The following MICAL2 variants were observed in gnomAD, a reference collection of about 807,000 sequenced individuals.
MICAL2 encodes microtubule associated monooxygenase, calponin and LIM domain containing 2.
A neutral mutation model predicts 127.3 loss-of-function variants in MICAL2; 77 were observed. That is an observed-to-expected ratio of 0.60 (90% CI 0.50 to 0.73). MICAL2 has a LOEUF of 0.73. MICAL2 is among the 30% of genes least tolerant of loss of function. The pLI, the probability that MICAL2 is intolerant of heterozygous loss-of-function variation, is 0.00. For missense variants in MICAL2, 1,351 were observed against 1,434.4 expected, an observed-to-expected ratio of 0.94 and a Z score of 0.94; for synonymous variants, 570 against 551.1, an observed-to-expected ratio of 1.03 and a Z score of -0.48.
chr11:12,355,203 C>T (rs892672882), intron 34 of MICAL2, among the ~76,000 whole-genome samples: 7 of 152,192 alleles, frequency 4.6e-5, no homozygotes, highest in South Asian at 2.1e-4. Context: ...AGTTTGTGGT[C>T]TCACTGGGGA....
chr11:12,129,429 C>T (rs1407665780), intron 1 of MICAL2, among the ~76,000 whole-genome samples: 1 of 152,194 alleles, frequency 6.6e-6, no homozygotes, highest in Non-Finnish European at 1.5e-5. Flanking sequence ...GGTTGAATAA[C>T]TTGCTCCAAA....
chr11:12,186,560 A>G (rs7933455), intron 3 of MICAL2, among the ~76,000 whole-genome samples: 39,815 of 152,012 alleles, frequency 0.26, 6,319 homozygotes, highest in African/African-American at 0.44. Context: ...TTTTTTTTAA[A>G]GATGCATGGT....
intron 30 of MICAL2, chr11:12,323,901 G>T (rs1487656490): frequency 6.8e-7 from 1 of 1,478,032 alleles, no homozygotes; most frequent in East Asian, 2.3e-5. Context: ...GGAGAGGGTA[G>T]AAGCCTATAA....
At chr11:12,342,361 G>A (rs551734408) in intron 32 of MICAL2, among the ~76,000 whole-genome samples, 4 of 152,188 alleles carry the variant, frequency 2.6e-5, no homozygotes, top group Admixed American at 6.5e-5. Context: ...CAAGAAGTGC[G>A]GATGATCTAC....
chr11:12,261,225 C>T, intron 26 of MICAL2: 3 of 985,544 alleles, frequency 3.0e-6, no homozygotes, highest in Non-Finnish European at 2.4e-6. Context: ...TGCTTAGCTG[C>T]TCCGCTGCCA....
chr11:12,352,483 G>A (rs763856931), intron 33 of MICAL2, among the ~76,000 whole-genome samples: 1 of 152,242 alleles, frequency 6.6e-6, no homozygotes, highest in Non-Finnish European at 1.5e-5. Flanking sequence ...CATAACTGCA[G>A]CTTCCCCGGT....
intron 2 of MICAL2, among the ~76,000 whole-genome samples, chr11:12,148,436 A>C (rs1444120935): frequency 1.3e-5 from 2 of 152,136 alleles, no homozygotes; most frequent in Non-Finnish European, 2.9e-5. Flanking sequence ...GGCTGTAGGG[A>C]GCCCTGAGAG....
chr11:12,252,019 C>T (rs7946327), intron 22 of MICAL2, among the ~76,000 whole-genome samples: 2 of 151,938 alleles, frequency 1.3e-5, no homozygotes, highest in African/African-American at 2.4e-5. Flanking sequence ...CCGTGGAGCC[C>T]GTTCACACAC....
chr11:12,264,411 T>C (rs542319595), downstream of MICAL2, among the ~76,000 whole-genome samples: 1 of 152,276 alleles, frequency 6.6e-6, no homozygotes, highest in Non-Finnish European at 1.5e-5. Flanking sequence ...ACCCGAAGTA[T>C]AGTATTCATG....
At chr11:12,148,311 G>A (rs1037564878) in intron 2 of MICAL2, among the ~76,000 whole-genome samples, 2 of 152,088 alleles carry the variant, frequency 1.3e-5, no homozygotes, top group African/African-American at 2.4e-5. Context: ...TTGATATGAG[G>A]GCAGCCACAG....
chr11:12,294,374 C>A (rs757897123), downstream of MICAL2: 1 of 1,614,224 alleles, frequency 6.2e-7, no homozygotes, highest in Non-Finnish European at 8.5e-7. Context: ...ATTCAGCCTT[C>A]GGAAAACCAA....
At chr11:12,151,097 A>C (rs1372098917) in intron 2 of MICAL2, among the ~76,000 whole-genome samples, 1 of 152,190 alleles carries the variant, frequency 6.6e-6, no homozygotes, top group Non-Finnish European at 1.5e-5. Flanking sequence ...ATTGGCTTCC[A>C]GGGACTCAAG....
chr11:12,236,054 G>GT, intron 15 of MICAL2, 123 bp from the exon 16 acceptor site: 1 of 777,924 alleles, frequency 1.3e-6, no homozygotes, highest in Non-Finnish European at 2.3e-6. Flanking sequence ...GCTGACAGCT[G>GT]TTTGTGGGCA....
At chr11:12,213,206 CA>C (rs1268153328) in intron 6 of MICAL2, 48 bp from the exon 7 acceptor site, 8 of 1,544,984 alleles carry the variant, frequency 5.2e-6, no homozygotes, top group Non-Finnish European at 7.0e-6. Context: ...TTTCAGTTTT[CA>C]CACCAAATCC....
At chr11:12,201,829 CTT>C (rs760944721) in intron 3 of MICAL2, among the ~76,000 whole-genome samples, 2 of 152,180 alleles carry the variant, frequency 1.3e-5, no homozygotes, top group Non-Finnish European at 2.9e-5. Context: ...GCACTTAAGA[CTT>C]TCACTGGCCG....
intron 3 of MICAL2, among the ~76,000 whole-genome samples, chr11:12,196,888 CCA>C (rs1860010759): frequency 6.6e-6 from 1 of 152,200 alleles, no homozygotes; most frequent in African/African-American, 2.4e-5. Context: ...GCCCTGCAAA[CCA>C]CCTCCCTCTT....
At chr11:12,196,101 A>T (rs1290250101) in intron 3 of MICAL2, 1 of 153,516 alleles carries the variant, frequency 6.5e-6, no homozygotes, top group African/African-American at 2.4e-5. Context: ...GATGGCCATG[A>T]CTTGGATAAG....
intron 1 of MICAL2, among the ~76,000 whole-genome samples, chr11:12,135,806 C>T (rs1015251856): frequency 6.6e-6 from 1 of 152,180 alleles, no homozygotes; most frequent in Non-Finnish European, 1.5e-5. Flanking sequence ...TGTCCACAGT[C>T]TGGGGAGGGG....
chr11:12,239,530 A>G lies in MICAL2; in HGVS notation c.2159A>G (p.Asn720Ser). The G allele has an allele frequency of 6.2e-7, 1 of 1,614,244 alleles. No homozygotes were observed. Among genetic ancestry groups the G allele is most frequent in the Non-Finnish European group, 8.5e-7 (1 of 1,180,044 alleles). Residue 720 changes from asparagine to serine, a missense_variant, in exon 17 of 28, where the codon AAT becomes AGT. Asn to Ser is a conservative substitution (Grantham distance 46). This residue lies in a region of MICAL2 where 752 missense variants were observed against 719.4 expected (regional missense o/e 1.05). Transcript: ENST00000683283. ...GNQNKVKSMA[N>S]QLLAKFEEST... ...CAGAACAAAGTCAAGTCCATGGCGA[A>G]TCAGCTGCTGGCCAAGTTTGAGGAG...
Sources: gnomAD v4.1 joint callset for allele counts (sites outside exome capture counted in the v4.1 genomes callset) on GRCh38, gnomAD v4.1.1 for gene constraint, gnomAD v4.1.1 regional missense constraint, MANE v1.5 for transcripts, NCBI Gene and HGNC (gene_info 2026-07-23, HGNC 2026-07-21) for gene names.